RALGAPB: variants seen among roughly 807,000 people sequenced by gnomAD.
RALGAPB encodes the protein Ral GTPase activating protein non-catalytic subunit beta.
RALGAPB carries 25 observed loss-of-function variants against 161.1 expected under a neutral mutation model. The observed-to-expected ratio is 0.16, with a 90% CI of 0.11 to 0.22. RALGAPB has a LOEUF of 0.22. Ranked by LOEUF, RALGAPB falls within the 10% of genes least tolerant of loss-of-function variation. The pLI is 1.00. For synonymous variants in RALGAPB, 629 were observed against 626.1 expected (o/e 1.00, Z -0.07); for missense variants, 1,391 against 1,815.2 (o/e 0.77, Z 4.25).
chr20:38,495,188 T>C (rs570199193), intron 3 of RALGAPB, among the ~76,000 whole-genome samples: 2 of 152,350 alleles, frequency 1.3e-5, no homozygotes, highest in South Asian at 4.1e-4. Context: ...GTTTACTTAA[T>C]TAGTTGTTTT....
intron 23 of RALGAPB, among the ~76,000 whole-genome samples, chr20:38,561,152 G>A (rs901057601): frequency 7.9e-5 from 12 of 152,198 alleles, no homozygotes; most frequent in East Asian, 3.9e-4. Flanking sequence ...GGTAAAACCC[G>A]TTTTTACTAA....
intron 20 of RALGAPB, 129 bp downstream of exon 20, chr20:38,548,924 A>G: frequency 1.4e-6 from 1 of 720,348 alleles, no homozygotes; most frequent in Non-Finnish European, 2.4e-6. Flanking sequence ...CAGTGGGTTC[A>G]TATCAGAATC....
Position 38,495,231 on chromosome 20 carries a change from G to T in RALGAPB, c.389+2099G>T, listed in dbSNP as rs141327266. Among the ~76,000 whole-genome samples the T allele has an allele frequency of 4.5e-3, 685 of 152,114 alleles. 1 individual carries two copies. The highest frequency in any genetic ancestry group is 6.8e-3 in the Non-Finnish European group (465 of 67,996). On this transcript the variant is annotated intron_variant, in intron 3 of 29. Transcript: ENST00000262879. ...ACTGACATTCAAAATGGAGGGAACT[G>T]CCTTTGCCATTTTGCTAGAGATTAT...
intron 1 of RALGAPB, among the ~76,000 whole-genome samples, chr20:38,473,428 G>A (rs2084709775): frequency 6.6e-6 from 1 of 152,226 alleles, no homozygotes; most frequent in African/African-American, 2.4e-5. Context: ...CTGCCGCCCA[G>A]TGGGGACGAT....
At chr20:38,499,034 A>G (rs767910945) in intron 4 of RALGAPB, among the ~76,000 whole-genome samples, 5 of 152,256 alleles carry the variant, frequency 3.3e-5, no homozygotes, top group South Asian at 2.1e-4. Context: ...AGTTGGTATT[A>G]GGTATTACAG....
At position 38,553,877 on chromosome 20, in the gene RALGAPB, G is replaced by T; in HGVS notation, c.3173G>T (p.Arg1058Ile). 1 of 1,607,396 alleles carries T rather than the reference G, an allele frequency of 6.2e-7. No individual in the cohort carries two copies. The highest frequency in any genetic ancestry group is 1.1e-5 in the South Asian group (1 of 90,870). The stretch of plus-strand genomic sequence containing the variant: ...TTTGGTTTATTACAGTTAGAAGAGA[G>T]ACACGAAAAATTAAGGAGTGGCATG... ...HEIVTEELEERHEKLRSGMAQ... is the reference protein window; with the variant it reads ...HEIVTEELEEIHEKLRSGMAQ... The change falls in exon 22 of 30, where the codon AGA (arginine) becomes ATA (isoleucine). Residue 1058 changes from arginine to isoleucine, a missense_variant. This residue lies in a region of RALGAPB where 436 missense variants were observed against 527.0 expected (regional missense o/e 0.83). Transcript: ENST00000262879.
At chr20:38,488,374 T>A (rs2085179624) in intron 1 of RALGAPB, 29 bp from the exon 2 acceptor site, 7 of 1,359,590 alleles carry the variant, frequency 5.1e-6, no homozygotes, top group Non-Finnish European at 6.2e-6. Flanking sequence ...TAGTATAATT[T>A]GACATGCATT....
chr20:38,495,754 G>A (rs1461638291), intron 3 of RALGAPB, among the ~76,000 whole-genome samples: 1 of 151,926 alleles, frequency 6.6e-6, no homozygotes, highest in South Asian at 2.1e-4. Context: ...TTTTTTTAAT[G>A]TAAAGGTTAC....
intron 28 of RALGAPB, among the ~76,000 whole-genome samples, chr20:38,572,479 A>G (rs2088276572): frequency 6.6e-6 from 1 of 152,216 alleles, no homozygotes; most frequent in Non-Finnish European, 1.5e-5. Context: ...TTGACCCCAA[A>G]TGCATTGACC....
intron 23 of RALGAPB, among the ~76,000 whole-genome samples, chr20:38,558,989 G>C (rs139270040): frequency 5.8e-4 from 88 of 152,332 alleles, no homozygotes; most frequent in African/African-American, 2.0e-3. Context: ...ATGGTAAGAA[G>C]TATTTTGTAC....
At chr20:38,529,525 A>AT (rs2086582567) in intron 13 of RALGAPB, among the ~76,000 whole-genome samples, 1 of 150,248 alleles carries the variant, frequency 6.7e-6, no homozygotes, top group Non-Finnish European at 1.5e-5. Context: ...CTCAAAAAAA[A>AT]AAAATAAAAT....
chr20:38,493,407 C>G (rs2085331498), intron 3 of RALGAPB, among the ~76,000 whole-genome samples: 1 of 152,184 alleles, frequency 6.6e-6, no homozygotes, highest in South Asian at 2.1e-4. Flanking sequence ...TCTTTCCCTT[C>G]TACTCAAAAA....
chr20:38,532,135 A>G (rs185132341), intron 14 of RALGAPB, among the ~76,000 whole-genome samples: 17 of 152,280 alleles, frequency 1.1e-4, no homozygotes, highest in African/African-American at 4.1e-4. Flanking sequence ...TGCTCGCTGC[A>G]AACTCCGCCT....
At position 38,569,721 on chromosome 20, in the gene RALGAPB, A is replaced by T. The variant is rs1270801517; in HGVS notation, c.3955-167A>T. On this transcript the variant is annotated intron_variant, in intron 26 of 29. Coordinates refer to ENST00000262879, the MANE Select transcript of RALGAPB (RefSeq NM_020336.4). ...GGTTAAGACTGATGAACAGGAGCCAAAGAAGAGCTTTGTTGCAAATGTATA... is the reference window on the plus strand; with the variant it reads ...GGTTAAGACTGATGAACAGGAGCCATAGAAGAGCTTTGTTGCAAATGTATA... 2.9e-5 allele frequency: 17 copies of T among 577,624 alleles called. No homozygotes were observed. The African/African-American group carries it at 3.2e-4, about 11-fold the overall frequency. 35.8% of individuals were successfully genotyped at this position (577,624 alleles called of 1,614,324 possible). A position where few individuals can be genotyped will look rare whatever the true frequency, so the allele number is the denominator to read the frequency against.
intron 15 of RALGAPB, 82 bp downstream of exon 15, chr20:38,532,941 G>T (rs2145347486): frequency 7.0e-7 from 1 of 1,419,892 alleles, no homozygotes; most frequent in Non-Finnish European, 9.6e-7. Flanking sequence ...CATTAAAAAT[G>T]TTAATGTTCA....
chr20:38,556,277 T>C (rs543986671), intron 22 of RALGAPB, among the ~76,000 whole-genome samples: 7 of 152,222 alleles, frequency 4.6e-5, no homozygotes, highest in Non-Finnish European at 8.8e-5. Context: ...TAAATAATTA[T>C]AGATTAGCAG....
At chr20:38,569,865 C>CT in intron 26 of RALGAPB, 23 bp from the exon 27 acceptor site, 1 of 1,584,064 alleles carries the variant, frequency 6.3e-7, no homozygotes, top group Non-Finnish European at 8.7e-7. Context: ...TTCCCGCTCT[C>CT]TGTCTTCTTC....
At chr20:38,489,382 A>G (rs112240671) in intron 2 of RALGAPB, among the ~76,000 whole-genome samples, 19 of 152,188 alleles carry the variant, frequency 1.2e-4, no homozygotes, top group South Asian at 6.2e-4. Flanking sequence ...TGTTCTTACT[A>G]TGTTGCCCAG....
rs1323945426 is a variant in RALGAPB at position 38,532,790 on chromosome 20, A to G, written c.2176A>G (p.Ser726Gly). Residue 726 changes from serine to glycine, a missense_variant, in exon 15 of 30, where the codon AGT becomes GGT. This residue lies in a region of RALGAPB where 946 missense variants were observed against 1,257.2 expected (regional missense o/e 0.75). Coordinates refer to ENST00000262879, the MANE Select transcript of RALGAPB (RefSeq NM_020336.4). ...SRTNSGISSA[S>G]GGSTEPTTPD... ...CACCAATAGTGGTATTAGTTCAGCA[A>G]GTGGTGGAAGCACGGAGCCCACGAC... 1 of 1,614,110 alleles carries G rather than the reference A, an allele frequency of 6.2e-7. No individual in the cohort carries two copies. Among genetic ancestry groups the G allele is most frequent in the Admixed American group, 1.7e-5 (1 of 60,036 alleles).
Sources: allele counts gnomAD v4.1 joint callset (sites outside exome capture counted in the v4.1 genomes callset), GRCh38; gene constraint gnomAD v4.1.1; regional missense constraint gnomAD v4.1.1; transcripts MANE v1.5; gene names NCBI Gene and HGNC (gene_info 2026-07-23, HGNC 2026-07-21).